The following SLC8A1 variants were observed in gnomAD, a reference collection of about 807,000 sequenced individuals.
The protein encoded by SLC8A1 is sodium/calcium exchanger 1.
A neutral mutation model predicts 68.3 loss-of-function variants in SLC8A1; 18 were observed. The observed-to-expected ratio is 0.26, with a 90% CI of 0.18 to 0.39. The LOEUF (loss-of-function observed/expected upper bound fraction) is 0.39, where lower values mean the gene tolerates loss of function less well. Ranked by LOEUF, SLC8A1 falls within the 10% of genes least tolerant of loss-of-function variation. The pLI is 1.00. For missense variants in SLC8A1, 985 were observed against 1,156.7 expected (o/e 0.85, Z 2.15); for synonymous variants, 475 against 415.5 (o/e 1.14, Z -1.74).
At chr2:40,145,239 C>T (rs1352973767) in intron 6 of SLC8A1, among the ~76,000 whole-genome samples, 1 of 152,144 alleles carries the variant, frequency 6.6e-6, no homozygotes, top group East Asian at 1.9e-4. Flanking sequence ...CCAGGCCCAT[C>T]CATGTTGTGG....
intron 1 of SLC8A1, among the ~76,000 whole-genome samples, chr2:40,449,168 CAAAA>C (rs374200670): frequency 2.2e-5 from 3 of 137,640 alleles, no homozygotes; most frequent in Non-Finnish European, 3.2e-5. Flanking sequence ...AAACAAAAAA[CAAAA>C]AACAACAACA....
chr2:40,447,907 G>T (rs778737932), intron 1 of SLC8A1, among the ~76,000 whole-genome samples: 2 of 152,136 alleles, frequency 1.3e-5, no homozygotes, highest in African/African-American at 2.4e-5. Flanking sequence ...TCCTTCTACT[G>T]AAACTCACTA....
At chr2:40,154,052 A>G (rs2043945852) in intron 6 of SLC8A1, among the ~76,000 whole-genome samples, 2 of 152,312 alleles carry the variant, frequency 1.3e-5, no homozygotes, top group South Asian at 4.1e-4. Flanking sequence ...AGCCTACTGG[A>G]ATTAGACTCA....
chr2:40,411,861 T>C (rs1310164323), intron 2 of SLC8A1, among the ~76,000 whole-genome samples: 1 of 152,100 alleles, frequency 6.6e-6, no homozygotes, highest in East Asian at 1.9e-4. Context: ...ATATTGGGTA[T>C]CCTGTTTTTA....
At chr2:40,253,940 G>A (rs564266681) in intron 2 of SLC8A1, among the ~76,000 whole-genome samples, 1 of 139,052 alleles carries the variant, frequency 7.2e-6, no homozygotes, top group South Asian at 2.2e-4. Context: ...AAAAGAATAA[G>A]TTCCAGTGTT....
chr2:40,145,512 A>G (rs1056505086), intron 6 of SLC8A1, among the ~76,000 whole-genome samples: 70 of 152,210 alleles, frequency 4.6e-4, no homozygotes, highest in African/African-American at 1.5e-3. Context: ...CCAGGCACTC[A>G]GTAGGCTTTC....
intron 2 of SLC8A1, among the ~76,000 whole-genome samples, chr2:40,246,757 T>C (rs2061924885): frequency 6.6e-6 from 1 of 152,218 alleles, no homozygotes; most frequent in Admixed American, 6.5e-5. Context: ...GCTAGAACTC[T>C]CTGAAACAGA....
chr2:40,283,908 AC>A (rs1024087083), intron 2 of SLC8A1, among the ~76,000 whole-genome samples: 1 of 151,852 alleles, frequency 6.6e-6, no homozygotes, highest in African/African-American at 2.4e-5. Flanking sequence ...CATATCTACT[AC>A]CCCCCACCTT....
intron 1 of SLC8A1, among the ~76,000 whole-genome samples, chr2:40,480,926 T>C (rs13429146): frequency 0.39 from 58,649 of 152,094 alleles, 14,564 homozygotes; most frequent in Non-Finnish European, 0.57. Context: ...AAAATCGCAC[T>C]GCTGTTTAAA....
intron 2 of SLC8A1, among the ~76,000 whole-genome samples, chr2:40,246,792 T>C (rs1258224923): frequency 6.6e-6 from 1 of 152,198 alleles, no homozygotes; most frequent in East Asian, 1.9e-4. Flanking sequence ...CTGGCTACTT[T>C]TTCATAGGAT....
intron 2 of SLC8A1, among the ~76,000 whole-genome samples, chr2:40,222,961 G>A (rs1006739220): frequency 1.1e-4 from 16 of 152,254 alleles, no homozygotes; most frequent in Admixed American, 2.6e-4. Context: ...AAAGTGTGGC[G>A]ATTCCTCAAG....
At chr2:40,409,176 A>C in intron 2 of SLC8A1, among the ~76,000 whole-genome samples, 1 of 152,188 alleles carries the variant, frequency 6.6e-6, no homozygotes, top group Admixed American at 6.5e-5. Flanking sequence ...CAATAGTCAC[A>C]TCGGTACAGC....
chr2:40,244,110 C>G (rs574833840), intron 2 of SLC8A1, among the ~76,000 whole-genome samples: 1 of 152,250 alleles, frequency 6.6e-6, no homozygotes, highest in South Asian at 2.1e-4. Flanking sequence ...AGCTGCAAGC[C>G]TTACATTCTT....
chr2:40,176,042 A>G, intron 3 of SLC8A1: 3 of 429,760 alleles, frequency 7.0e-6, no homozygotes, highest in Non-Finnish European at 9.3e-6. Context: ...GGGGAGGGGG[A>G]CGTATAATTT....
rs533155269 is a variant in SLC8A1 at position 40,379,648 on chromosome 2, T to A, written c.1808+48825A>T. On this transcript the variant is annotated intron_variant, in intron 2 of 7. Coordinates refer to ENST00000406785, the Ensembl canonical transcript of SLC8A1. ...CCATAGCCTTCATGATTTTGCCTTT[T>A]TTTTTTTCCCTGCAGAGAATGTGTC... Among the ~76,000 whole-genome samples the A allele has an allele frequency of 4.9e-4, 75 of 152,088 alleles. No homozygotes were observed. In the South Asian group the frequency reaches 5.2e-3, roughly 11 times the overall value.
chr2:40,351,291 G>T (rs1671004030), intron 2 of SLC8A1, among the ~76,000 whole-genome samples: 1 of 152,048 alleles, frequency 6.6e-6, no homozygotes, highest in Non-Finnish European at 1.5e-5. Context: ...AACATGCCAT[G>T]GATGATACAT....
At chr2:40,448,380 A>C (rs1456276453) in intron 1 of SLC8A1, among the ~76,000 whole-genome samples, 1 of 152,222 alleles carries the variant, frequency 6.6e-6, no homozygotes, top group African/African-American at 2.4e-5. Flanking sequence ...TCCTGAATCC[A>C]AATCTGAATC....
intron 1 of SLC8A1, among the ~76,000 whole-genome samples, chr2:40,459,368 A>ATT (rs5830630): frequency 3.8e-4 from 58 of 151,080 alleles, no homozygotes; most frequent in South Asian, 8.4e-4. Context: ...AGGACAGTAT[A>ATT]TTTTTTTTTG....
intron 2 of SLC8A1, among the ~76,000 whole-genome samples, chr2:40,361,996 G>A (rs1674775251): frequency 2.2e-5 from 3 of 133,874 alleles, no homozygotes; most frequent in Non-Finnish European, 4.6e-5. Context: ...CCGGGTTCAA[G>A]TGATTCTCCT....
Sources: gnomAD v4.1 joint callset for allele counts (sites outside exome capture counted in the v4.1 genomes callset) on GRCh38, gnomAD v4.1.1 for gene constraint, MANE v1.5 for transcripts, NCBI Gene and HGNC (gene_info 2026-07-23, HGNC 2026-07-21) for gene names.